RAB3C: variants seen among roughly 807,000 people sequenced by gnomAD.
RAB3C encodes the protein RAB3C, member RAS oncogene family, also known as ras-related protein Rab-3C.
In RAB3C, 17 loss-of-function variants were observed where a neutral mutation model predicts 26.4. The observed-to-expected ratio is 0.64, with a 90% confidence interval of 0.44 to 0.97. The LOEUF is 0.97. RAB3C is among the 50% of genes least tolerant of loss of function. The pLI, the probability that RAB3C is intolerant of heterozygous loss-of-function variation, is 0.00. For missense variants in RAB3C, 242 were observed against 281.9 expected, an observed-to-expected ratio of 0.86 and a Z score of 1.01; for synonymous variants, 91 against 95.9, an observed-to-expected ratio of 0.95 and a Z score of 0.30.
chr5:58,777,387 TC>T (rs1053402350), intron 3 of RAB3C, among the ~76,000 whole-genome samples: 1 of 152,180 alleles, frequency 6.6e-6, no homozygotes, highest in Non-Finnish European at 1.5e-5. Flanking sequence ...GAACGCCTAG[TC>T]CTGCCTTGGT....
intron 2 of RAB3C, among the ~76,000 whole-genome samples, chr5:58,635,843 C>T (rs1747279224): frequency 6.6e-6 from 1 of 152,096 alleles, no homozygotes; most frequent in Non-Finnish European, 1.5e-5. Flanking sequence ...AGATGGTGGA[C>T]AACGCGTGGT....
At chr5:58,607,456 C>T (rs1035320446) in intron 1 of RAB3C, among the ~76,000 whole-genome samples, 5 of 152,074 alleles carry the variant, frequency 3.3e-5, no homozygotes, top group Admixed American at 6.5e-5. Flanking sequence ...CTGAAAGTGA[C>T]GGGGAGAATG....
Position 58,852,149 on chromosome 5 carries a change from C to T in RAB3C, c.*798C>T, listed in dbSNP as rs1744128366. On this transcript the variant is annotated 3_prime_UTR_variant, in exon 5 of 5. Transcript: ENST00000282878. The stretch of plus-strand genomic sequence containing the variant: ...AGATTGAGACATATCTACTGAATGC[C>T]AGTTATGCAACAAGCATTTTAACCA... 6.6e-6 allele frequency: 1 copy of T among 151,570 alleles called. No individual in the cohort carries two copies. The highest frequency in any genetic ancestry group is 1.5e-5 in the Non-Finnish European group (1 of 67,676). 9.4% of individuals were successfully genotyped at this position (151,570 alleles called of 1,614,324 possible). A position where few individuals can be genotyped will look rare whatever the true frequency, so the allele number is the denominator to read the frequency against.
intron 2 of RAB3C, among the ~76,000 whole-genome samples, chr5:58,646,899 T>G (rs1437896493): frequency 6.8e-6 from 1 of 146,586 alleles, no homozygotes. Context: ...TGTATAGTTT[T>G]AAAGTGTACA....
At chr5:58,795,099 TAGTG>T (rs376539593) in intron 3 of RAB3C, among the ~76,000 whole-genome samples, 29 of 152,284 alleles carry the variant, frequency 1.9e-4, no homozygotes, top group Non-Finnish European at 3.2e-4. Context: ...ATTCTCAGGA[TAGTG>T]AGTAAGTCTC....
At chr5:58,778,059 G>A (rs535554809) in intron 3 of RAB3C, among the ~76,000 whole-genome samples, 43 of 152,142 alleles carry the variant, frequency 2.8e-4, no homozygotes, top group African/African-American at 1.0e-3. Flanking sequence ...ATGAATACAT[G>A]TATCACTATA....
chr5:58,672,258 G>C (rs1343200592), intron 2 of RAB3C, among the ~76,000 whole-genome samples: 1 of 152,108 alleles, frequency 6.6e-6, no homozygotes, highest in Non-Finnish European at 1.5e-5. Flanking sequence ...CTAAGCAAGG[G>C]GCACAGGTGA....
At chr5:58,642,489 G>C (rs1747431194) in intron 2 of RAB3C, among the ~76,000 whole-genome samples, 1 of 152,030 alleles carries the variant, frequency 6.6e-6, no homozygotes, top group South Asian at 2.1e-4. Flanking sequence ...ACCTACAAGG[G>C]ATTCTATACC....
At chr5:58,651,944 T>A (rs1269131726) in intron 2 of RAB3C, among the ~76,000 whole-genome samples, 1 of 116,052 alleles carries the variant, frequency 8.6e-6, no homozygotes, top group East Asian at 2.6e-4. Context: ...TAAATAATTA[T>A]AATGTTGTAT....
At chr5:58,786,392 T>C (rs962856786) in intron 3 of RAB3C, among the ~76,000 whole-genome samples, 1 of 152,072 alleles carries the variant, frequency 6.6e-6, no homozygotes, top group Non-Finnish European at 1.5e-5. Flanking sequence ...GGCACACTTA[T>C]AGGTGCAATC....
At chr5:58,802,120 A>G (rs1402110967) in intron 3 of RAB3C, among the ~76,000 whole-genome samples, 2 of 151,936 alleles carry the variant, frequency 1.3e-5, no homozygotes, top group Non-Finnish European at 2.9e-5. Flanking sequence ...GTTTTTTTTA[A>G]TCTAAAGCAT....
At chr5:58,822,850 C>T (rs1743374099) in intron 3 of RAB3C, 3 of 637,362 alleles carry the variant, frequency 4.7e-6, no homozygotes, top group Admixed American at 1.8e-5. Flanking sequence ...GTAGGTTTGG[C>T]ATGGACAGGA....
chr5:58,729,822 G>C (rs1740971523), intron 3 of RAB3C, among the ~76,000 whole-genome samples: 1 of 139,552 alleles, frequency 7.2e-6, no homozygotes, highest in African/African-American at 2.7e-5. Flanking sequence ...TATACTATAT[G>C]TATATTTATA....
At chr5:58,612,141 A>G (rs1401898592) in intron 1 of RAB3C, among the ~76,000 whole-genome samples, 5 of 152,056 alleles carry the variant, frequency 3.3e-5, no homozygotes, top group African/African-American at 1.2e-4. Flanking sequence ...ATAGCCCTGT[A>G]GTATAGTTTG....
intron 3 of RAB3C, among the ~76,000 whole-genome samples, chr5:58,811,098 A>G (rs531986739): frequency 1.1e-4 from 17 of 152,334 alleles, no homozygotes; most frequent in African/African-American, 4.1e-4. Context: ...GTGATAAAGT[A>G]TACTAGCAAA....
chr5:58,724,999 C>T (rs1055987195), intron 2 of RAB3C, among the ~76,000 whole-genome samples: 2 of 151,896 alleles, frequency 1.3e-5, no homozygotes, highest in East Asian at 1.9e-4. Flanking sequence ...ACAGTATTGT[C>T]GGTTTGTCTA....
chr5:58,842,763 T>C (rs777613302), intron 4 of RAB3C, among the ~76,000 whole-genome samples: 1 of 152,226 alleles, frequency 6.6e-6, no homozygotes, highest in Non-Finnish European at 1.5e-5. Flanking sequence ...TTTGTCACTA[T>C]ATAAAGTAAA....
At chr5:58,813,643 C>T (rs6881682) in intron 3 of RAB3C, among the ~76,000 whole-genome samples, 43,744 of 132,902 alleles carry the variant, frequency 0.33, 9,271 homozygotes, top group African/African-American at 0.51. Flanking sequence ...TACACACACA[C>T]ACACACATAT....
At chr5:58,594,972 A>G (rs1746216750) in intron 1 of RAB3C, among the ~76,000 whole-genome samples, 1 of 150,756 alleles carries the variant, frequency 6.6e-6, no homozygotes, top group Non-Finnish European at 1.5e-5. Context: ...CTTTCTCCTC[A>G]GGAAGAGGTA....
Sources: allele counts gnomAD v4.1 joint callset (sites outside exome capture counted in the v4.1 genomes callset), GRCh38; gene constraint gnomAD v4.1.1; transcripts MANE v1.5; gene names NCBI Gene and HGNC (gene_info 2026-07-23, HGNC 2026-07-21).